Variants in PPP1R13L observed in about 807,000 individuals in gnomAD.
PPP1R13L encodes protein phosphatase 1 regulatory subunit 13 like, also known as relA-associated inhibitor.
PPP1R13L carries 50 observed loss-of-function variants against 80.9 expected under a neutral mutation model. That is an observed-to-expected ratio of 0.62 (90% CI 0.49 to 0.78). The LOEUF (loss-of-function observed/expected upper bound fraction) is 0.78, where lower values mean the gene tolerates loss of function less well. Ranked by LOEUF, PPP1R13L falls within the 30% of genes least tolerant of loss-of-function variation. The probability of loss-of-function intolerance (pLI) is 0.00; values close to 1 mark genes in which losing one functional copy is unlikely to be tolerated. For synonymous variants in PPP1R13L, 602 were observed against 534.3 expected (o/e 1.13, Z -1.75); for missense variants, 1,200 against 1,205.9 (o/e 1.00, Z 0.07).
chr19:45,402,117 A>C (rs1973244340), intron 1 of PPP1R13L: 1 of 152,238 alleles, frequency 6.6e-6, no homozygotes, highest in Non-Finnish European at 1.5e-5. Context: ...GGCCTCAGGA[A>C]GAAGAGACTA....
At chr19:45,389,355 G>A (rs775465656) in intron 8 of PPP1R13L, among the ~76,000 whole-genome samples, 6 of 152,074 alleles carry the variant, frequency 3.9e-5, no homozygotes, top group African/African-American at 4.8e-5. Context: ...CGCTGTCTAC[G>A]CACACGGAGT....
chr19:45,400,931 T>C (rs540781296), intron 1 of PPP1R13L, among the ~76,000 whole-genome samples: 98 of 75,104 alleles, frequency 1.3e-3, no homozygotes, highest in Non-Finnish European at 1.7e-3. Flanking sequence ...CGCCCGCCAC[T>C]ACGCCCGGCT....
rs370994861 is a variant in PPP1R13L, at chr19:45,398,324, C to G, written c.-6G>C. ...TGGAATGCCTCGCTGTCCATGGTGC[C>G]GGCCGGAGCGGGCGCCTGCATGGTG... On this transcript the variant is annotated 5_prime_UTR_variant, in exon 2 of 13. Coordinates refer to ENST00000360957, the MANE Select transcript of PPP1R13L (RefSeq NM_006663.4). The G allele has an allele frequency of 6.2e-7, 1 of 1,613,430 alleles. No individual in the cohort carries two copies. Among genetic ancestry groups the G allele is most frequent in the Non-Finnish European group, 8.5e-7 (1 of 1,179,898 alleles).
At chr19:45,386,426 C>G (rs1226289963) in intron 8 of PPP1R13L, among the ~76,000 whole-genome samples, 2 of 151,952 alleles carry the variant, frequency 1.3e-5, no homozygotes, top group African/African-American at 2.4e-5. Context: ...AGCTGGGGGG[C>G]CATGGGATTG....
At position 45,385,921 on chromosome 19, in the gene PPP1R13L, T is replaced by C. The variant is rs969466740; in HGVS notation, c.1984A>G (p.Thr662Ala). The change falls in exon 10 of 13, where the codon ACT becomes GCT. Residue 662 changes from threonine (T) to alanine (A), a missense_variant. By Grantham distance (58) the Thr-to-Ala change is moderately conservative. Transcript: ENST00000360957. ...CCGCAGATGGCGTTGTGCAAGGCAG[T>C]GATGCCCTCCTCGTTGGGCTGGCTC... ...DPSQPNEEGITALHNAICGAN... is the reference protein window; with the variant it reads ...DPSQPNEEGIAALHNAICGAN... 10 of 1,612,272 alleles carry C rather than the reference T, an allele frequency of 6.2e-6. No homozygotes were observed. Among genetic ancestry groups the C allele is most frequent in the Non-Finnish European group, 8.5e-6 (10 of 1,179,406 alleles).
intron 10 of PPP1R13L, 25 bp downstream of exon 10, chr19:45,385,799 G>A: frequency 6.2e-7 from 1 of 1,609,462 alleles, no homozygotes; most frequent in Non-Finnish European, 8.5e-7. Context: ...GGGGGACCCA[G>A]CCCACCGCGC....
Position 45,385,748 on chromosome 19 carries a change from G to T in PPP1R13L, c.2082-20C>A, listed in dbSNP as rs768853465. The T allele has an allele frequency of 9.9e-6, 16 of 1,608,050 alleles. No homozygotes were observed. In the East Asian group the frequency reaches 2.0e-4, roughly 20 times the overall value. On this transcript the variant is annotated intron_variant, in intron 10 of 12. Coordinates refer to ENST00000360957, the MANE Select transcript of PPP1R13L (RefSeq NM_006663.4). ...GGTGTCCTAGGCGTGGGGGTGGGGG[G>T]TTGCGGGGAACGATGCGTGAGAGGC...
At position 45,381,177 on chromosome 19, in the gene PPP1R13L, C is replaced by T. The variant is rs900332927; in HGVS notation, c.2449-949G>A. Among the ~76,000 whole-genome samples, 25 of 151,510 alleles carry T rather than the reference C, an allele frequency of 1.7e-4. No individual in the cohort carries two copies. In the East Asian group the frequency reaches 2.1e-3, roughly 13 times the overall value. On this transcript the variant is annotated intron_variant, in intron 12 of 12. Coordinates refer to ENST00000360957, the MANE Select transcript of PPP1R13L (RefSeq NM_006663.4). ...TTAAGCGATTCTCCTGTGTCAGCCT[C>T]CTGATGAGCTGGGATTACAGGCACC...
At position 45,396,739 on chromosome 19, in the gene PPP1R13L, G is replaced by T. The variant is rs1396637128; in HGVS notation, c.518C>A (p.Thr173Lys). The change falls in exon 4 of 13, where the codon ACG becomes AAG. Residue 173 changes from threonine (T) to lysine (K), a missense_variant. Physicochemically the swap from Thr to Lys is moderately conservative, Grantham distance 78 (BLOSUM62 -1). Coordinates refer to ENST00000360957, the MANE Select transcript of PPP1R13L (RefSeq NM_006663.4). The surrounding 1 kb of genome is among the most constrained non-coding windows in gnomAD (Gnocchi z 5.3). ...PGPLRQQGPP[T>K]PFDFLGRAGS... ...TGCGCGGCCCAGGAAGTCGAAAGGC[G>T]TGGGGGGACCCTGCTGGCGGAGCGG... The T allele has an allele frequency of 2.9e-6, 4 of 1,374,582 alleles. No individual in the cohort carries two copies. Among genetic ancestry groups the T allele is most frequent in the African/African-American group, 1.5e-5 (1 of 66,034 alleles). 85.1% of individuals were successfully genotyped at this position (1,374,582 alleles called of 1,614,324 possible).
chr19:45,403,984 G>A (rs1973278999), intron 1 of PPP1R13L, among the ~76,000 whole-genome samples: 1 of 152,076 alleles, frequency 6.6e-6, no homozygotes, highest in Non-Finnish European at 1.5e-5. Context: ...AGACAGATGG[G>A]CGTGGAGGTG....
In PPP1R13L at chr19:45,395,451, G is replaced by T; in HGVS notation, c.1339C>A (p.Pro447Thr). The change falls in exon 7 of 13, where the codon CCC (proline) becomes ACC (threonine). Residue 447 changes from proline to threonine, a missense_variant. Transcript: ENST00000360957. ...PAPQHPQQTW[P>T]PVNEGPPKPP... ...GCTGACTCACCTTCGTTCACAGGGGGCCATGTCTGTTGGGGATGCTGGGGG... is the reference window on the plus strand; with the variant it reads ...GCTGACTCACCTTCGTTCACAGGGGTCCATGTCTGTTGGGGATGCTGGGGG... 1 of 1,493,634 alleles carries T rather than the reference G, an allele frequency of 6.7e-7. No individual in the cohort carries two copies. The highest frequency in any genetic ancestry group is 9.0e-7 in the Non-Finnish European group (1 of 1,111,946). The allele number at this position is 1,493,634 out of a possible 1,614,324, so 92.5% of individuals were successfully genotyped here. A position where few individuals can be genotyped will look rare whatever the true frequency, so the allele number is the denominator to read the frequency against.
At chr19:45,405,390 TC>T (rs1185506851), upstream of PPP1R13L, among the ~76,000 whole-genome samples, 1 of 151,992 alleles carries the variant, frequency 6.6e-6, no homozygotes, top group African/African-American at 2.4e-5. Context: ...CTGATCAGTA[TC>T]CCCCAGGGTC....
Position 45,382,568 on chromosome 19 carries a change from G to A in PPP1R13L, c.2407C>T (p.Leu803=). Residue 803 remains leucine, a synonymous_variant, in exon 12 of 13, where the codon CTG becomes TTG. Transcript: ENST00000360957. ...GGCACGTAGCCCTCCTGGCCGTGCA[G>A]CGCGGCCCACCACCAGTCGGTCTCC... ...PEETDWWWAA[L]HGQEGYVPRN... 1 of 1,613,440 alleles carries A rather than the reference G, an allele frequency of 6.2e-7. No individual in the cohort carries two copies. Among genetic ancestry groups the A allele is most frequent in the Non-Finnish European group, 8.5e-7 (1 of 1,179,900 alleles).
chr19:45,381,059 T>TAATTATAAATAAATATATAATATAA lies in PPP1R13L; in HGVS notation c.2449-832_2449-831insTTATATTATATATTTATTTATAATT, dbSNP rs1458452123. ...TAAATATATATTATATATTTATATA[T>TAATTATAAATAAATATATAATATAA]TATATATTTATATATAACATATATT... On this transcript the variant is annotated intron_variant, in intron 12 of 12. Coordinates refer to ENST00000360957, the MANE Select transcript of PPP1R13L (RefSeq NM_006663.4). Among the ~76,000 whole-genome samples the TAATTATAAATAAATATATAATATAA allele has an allele frequency of 1.1e-4, 16 of 147,580 alleles. No individual in the cohort carries two copies. The East Asian group carries it at 2.9e-3, about 27-fold the overall frequency.
upstream of PPP1R13L, among the ~76,000 whole-genome samples, chr19:45,405,887 C>T (rs1312070069): frequency 1.3e-5 from 2 of 152,362 alleles, no homozygotes; most frequent in South Asian, 2.1e-4. Flanking sequence ...TCTGTGTCCA[C>T]GTGCCGCTGT....
At chr19:45,400,038 C>A (rs1192194808) in intron 1 of PPP1R13L, among the ~76,000 whole-genome samples, 1 of 151,894 alleles carries the variant, frequency 6.6e-6, no homozygotes, top group Non-Finnish European at 1.5e-5. Flanking sequence ...TCAAAACCAC[C>A]CTAGCAGGCA....
Position 45,396,656 on chromosome 19 carries a change from C to A in PPP1R13L, c.601G>T (p.Gly201Trp). 2 of 1,465,028 alleles carry A rather than the reference C, an allele frequency of 1.4e-6. No individual in the cohort carries two copies. Among genetic ancestry groups the A allele is most frequent in the African/African-American group, 1.5e-5 (1 of 68,218 alleles). 90.8% of individuals were successfully genotyped at this position (1,465,028 alleles called of 1,614,324 possible). A position where few individuals can be genotyped will look rare whatever the true frequency, so the allele number is the denominator to read the frequency against. The change falls in exon 4 of 13, where the codon GGG becomes TGG. Residue 201 changes from glycine to tryptophan, a missense_variant. Transcript: ENST00000360957. This position sits in a 1 kb window ranked among gnomAD's most constrained non-coding sequence, Gnocchi z 5.3. ...EGPQAFFPER[G>W]PSPRPPATAY... ...GTGGCAGGGGGGCGCGGTGACGGCC[C>A]ACGCTCGGGGAAGAAGGCCTGGGGC...
intron 1 of PPP1R13L, among the ~76,000 whole-genome samples, chr19:45,400,356 T>C (rs1973206864): frequency 6.6e-6 from 1 of 151,892 alleles, no homozygotes. Flanking sequence ...CCTATCCCCA[T>C]GCTAGCCACC....
chr19:45,396,539 G>C lies in PPP1R13L; in HGVS notation c.712+6C>G. On this transcript the variant is annotated splice_donor_region_variant and intron_variant, in intron 4 of 12. Coordinates refer to ENST00000360957, the MANE Select transcript of PPP1R13L (RefSeq NM_006663.4). The surrounding 1 kb of genome is among the most constrained non-coding windows in gnomAD (Gnocchi z 5.3). Reference sequence around the variant, plus strand: ...CAAAGGCCCCGCGAGGGGCCCCTGGGTTCACCTTGCGCGCGCAGAGGCGGG... The same window carrying C: ...CAAAGGCCCCGCGAGGGGCCCCTGGCTTCACCTTGCGCGCGCAGAGGCGGG... 6.4e-7 allele frequency: 1 copy of C among 1,570,294 alleles called. No homozygotes were observed. Among genetic ancestry groups the C allele is most frequent in the Non-Finnish European group, 8.6e-7 (1 of 1,163,556 alleles).
Sources: allele counts gnomAD v4.1 joint callset (sites outside exome capture counted in the v4.1 genomes callset), GRCh38; gene constraint gnomAD v4.1.1; non-coding constraint Gnocchi (gnomAD v3.1); transcripts MANE v1.5; gene names NCBI Gene and HGNC (gene_info 2026-07-23, HGNC 2026-07-21).